The following KCTD1 variants were observed in gnomAD, a reference collection of about 807,000 sequenced individuals.
KCTD1 encodes the protein potassium channel tetramerization domain containing 1.
In KCTD1, 24 loss-of-function variants were observed where a neutral mutation model predicts 66.0. The observed-to-expected ratio is 0.36, with a 90% CI of 0.26 to 0.51. The LOEUF is 0.51. KCTD1 is among the 20% of genes least tolerant of loss of function. The probability of loss-of-function intolerance (pLI) is 0.95; values close to 1 mark genes in which losing one functional copy is unlikely to be tolerated. For missense variants in KCTD1, 943 were observed against 1,205.2 expected (o/e 0.78, Z 3.22); for synonymous variants, 511 against 517.2 (o/e 0.99, Z 0.16).
In KCTD1 at chr18:26,651,799, AAAGAAGAAG is replaced by A. The variant is rs10530531; in HGVS notation, c.9+5552_9+5560del. Among the ~76,000 whole-genome samples, 28 of 117,146 alleles carry A rather than the reference AAAGAAGAAG, an allele frequency of 2.4e-4. No homozygotes were observed. The East Asian group carries it at 5.0e-3, about 21-fold the overall frequency. 76.9% of individuals were successfully genotyped at this position (117,146 alleles called of 152,430 possible). On this transcript the variant is annotated intron_variant, in intron 1 of 4. Coordinates refer to the KCTD1 transcript ENST00000580191. ...ACTCGGTCTCAAAAAAAAAAAAAAA[AAAGAAGAAG>A]AAGAAGAAGAAGAAGGTAAAGTGTA... is the stretch of plus-strand genomic sequence containing the variant.
At chr18:26,614,243 T>C (rs1201087724) in intron 1 of KCTD1, among the ~76,000 whole-genome samples, 1 of 152,244 alleles carries the variant, frequency 6.6e-6, no homozygotes, top group Non-Finnish European at 1.5e-5. Context: ...TTAATATTTG[T>C]TGAACAAATG....
intron 1 of KCTD1, among the ~76,000 whole-genome samples, chr18:26,613,790 A>G (rs1021538514): frequency 6.6e-6 from 1 of 152,316 alleles, no homozygotes; most frequent in African/African-American, 2.4e-5. Flanking sequence ...CTGAAAACAT[A>G]ATTTCATACA....
intron 1 of KCTD1, chr18:26,591,621 G>C (rs532100224): frequency 7.2e-5 from 11 of 152,342 alleles, no homozygotes; most frequent in African/African-American, 2.6e-4. Flanking sequence ...CTGCTCAAAA[G>C]GTGTGCAAAA....
intron 1 of KCTD1, among the ~76,000 whole-genome samples, chr18:26,561,607 C>T (rs560379154): frequency 6.6e-6 from 1 of 152,312 alleles, no homozygotes; most frequent in East Asian, 1.9e-4. Context: ...CCTGACATAC[C>T]TCAGACCTTT....
intron 2 of KCTD1, among the ~76,000 whole-genome samples, chr18:26,489,842 A>G (rs1388971093): frequency 1.3e-5 from 2 of 152,188 alleles, no homozygotes; most frequent in African/African-American, 4.8e-5. Flanking sequence ...AGTAAAGTGG[A>G]GCATATTTGT....
chr18:26,520,292 T>C (rs1598914299), intron 1 of KCTD1, among the ~76,000 whole-genome samples: 1 of 152,172 alleles, frequency 6.6e-6, no homozygotes, highest in Non-Finnish European at 1.5e-5. Context: ...GGCTATTTTC[T>C]TTCTGCCATC....
intron 1 of KCTD1, among the ~76,000 whole-genome samples, chr18:26,609,476 A>T (rs926339047): frequency 6.6e-6 from 1 of 152,222 alleles, no homozygotes; most frequent in Admixed American, 6.5e-5. Context: ...ATGGACCACC[A>T]TGTCTAAAAG....
chr18:26,597,835 G>C (rs1568005160), intron 1 of KCTD1, among the ~76,000 whole-genome samples: 1 of 152,010 alleles, frequency 6.6e-6, no homozygotes, highest in Non-Finnish European at 1.5e-5. Flanking sequence ...TGTATTTTTA[G>C]TAGAGACAGG....
At chr18:26,516,003 G>A (rs1282302845) in intron 1 of KCTD1, among the ~76,000 whole-genome samples, 7 of 152,060 alleles carry the variant, frequency 4.6e-5, no homozygotes, top group African/African-American at 1.2e-4. Context: ...AGAACACAGC[G>A]GATAAATGCA....
At position 26,645,784 on chromosome 18, in the gene KCTD1, G is replaced by A. The variant is rs192951679; in HGVS notation, c.9+11576C>T. On this transcript the variant is annotated intron_variant, in intron 1 of 4. Transcript: ENST00000580191. Reference sequence around the variant, plus strand: ...AGAGGTTCTCAAAGTGCGGTCCCTCGGACAGCAGCATCAGCATCCATTGGG... The same window carrying A: ...AGAGGTTCTCAAAGTGCGGTCCCTCAGACAGCAGCATCAGCATCCATTGGG... 3.3e-3 allele frequency among the ~76,000 whole-genome samples: 495 copies of A among 151,822 alleles called. 7 individuals are homozygous for A. The highest frequency in any genetic ancestry group is 0.03 in the Admixed American group (457 of 15,282).
Position 26,504,908 on chromosome 18 carries a change from C to T in KCTD1, c.1810-3658G>A, listed in dbSNP as rs185808582. On this transcript the variant is annotated intron_variant, in intron 1 of 4. Coordinates refer to ENST00000580059, the MANE Select transcript of KCTD1 (RefSeq NM_001142730.3). ...CAGGATGGGATGCTGCTACCTGCAG[C>T]TGCCATCTCCCTGCCAATTTAAGGA... 1.2e-4 allele frequency among the ~76,000 whole-genome samples: 19 copies of T among 152,328 alleles called. 1 individual carries two copies. The highest frequency in any genetic ancestry group is 1.2e-3 in the Admixed American group (19 of 15,306).
At chr18:26,534,681 T>C (rs1984603736) in intron 1 of KCTD1, among the ~76,000 whole-genome samples, 1 of 152,212 alleles carries the variant, frequency 6.6e-6, no homozygotes, top group Admixed American at 6.5e-5. Flanking sequence ...ACAAGTGTAT[T>C]TGTATTATCC....
At chr18:26,586,752 T>A (rs1299332871) in intron 1 of KCTD1, among the ~76,000 whole-genome samples, 1 of 151,898 alleles carries the variant, frequency 6.6e-6, no homozygotes, top group Non-Finnish European at 1.5e-5. Flanking sequence ...GGATGGAAGA[T>A]CAAACCAGCC....
intron 1 of KCTD1, among the ~76,000 whole-genome samples, chr18:26,516,808 T>A (rs1983677221): frequency 6.6e-6 from 1 of 152,208 alleles, no homozygotes. Flanking sequence ...CTCTTTCCAG[T>A]AAGTGACCTC....
upstream of KCTD1, among the ~76,000 whole-genome samples, chr18:26,553,551 ACT>A (rs1169171052): frequency 6.6e-6 from 1 of 151,286 alleles, no homozygotes; most frequent in East Asian, 1.9e-4. Context: ...GTGGTGAAAA[ACT>A]CTCTCTGAAG....
intron 1 of KCTD1, among the ~76,000 whole-genome samples, chr18:26,620,436 T>A (rs1452641221): frequency 8.3e-6 from 1 of 120,398 alleles, no homozygotes; most frequent in African/African-American, 3.2e-5. Context: ...AATTGCATTT[T>A]TTTTTTTTTT....
At chr18:26,593,733 T>TGAG (rs1986696148) in intron 1 of KCTD1, among the ~76,000 whole-genome samples, 1 of 47,774 alleles carries the variant, frequency 2.1e-5, no homozygotes, top group Non-Finnish European at 3.8e-5. Context: ...AGGAGAAAGA[T>TGAG]GAGGAGGAGG....
chr18:26,655,635 C>T (rs1366752041), intron 1 of KCTD1: 1 of 152,254 alleles, frequency 6.6e-6, no homozygotes, highest in Non-Finnish European at 1.5e-5. Context: ...ACGTACAAAG[C>T]CAACGGCCCC....
chr18:26,567,805 A>T (rs1385201364), intron 1 of KCTD1, among the ~76,000 whole-genome samples: 1 of 152,120 alleles, frequency 6.6e-6, no homozygotes, highest in African/African-American at 2.4e-5. Context: ...CTTTGAAACC[A>T]TCTACTGTTA....
Sources: gnomAD v4.1 joint callset for allele counts (sites outside exome capture counted in the v4.1 genomes callset) on GRCh38, gnomAD v4.1.1 for gene constraint, MANE v1.5 for transcripts, NCBI Gene and HGNC (gene_info 2026-07-23, HGNC 2026-07-21) for gene names.